EFHC1: variants seen among roughly 807,000 people sequenced by gnomAD.
The protein encoded by EFHC1 is EF-hand domain-containing protein 1.
In EFHC1, 53 loss-of-function variants were observed where a neutral mutation model predicts 69.9. The observed-to-expected ratio is 0.76, with a 90% CI of 0.61 to 0.95. EFHC1 has a LOEUF of 0.95. Ranked by LOEUF, EFHC1 falls within the 40% of genes least tolerant of loss-of-function variation. The probability of loss-of-function intolerance (pLI) is 0.00; values close to 1 mark genes in which losing one functional copy is unlikely to be tolerated. For missense variants in EFHC1, 739 were observed against 798.7 expected, an observed-to-expected ratio of 0.93 and a Z score of 0.90; for synonymous variants, 256 against 278.4, an observed-to-expected ratio of 0.92 and a Z score of 0.80.
chr6:52,489,136 A>C (rs1286957748), intron 9 of EFHC1: 1 of 152,272 alleles, frequency 6.6e-6, no homozygotes, highest in African/African-American at 2.4e-5. Context: ...TATTTGCAAC[A>C]GTGAACTTTA....
At chr6:52,434,301 T>A (rs1183758042) in intron 2 of EFHC1, among the ~76,000 whole-genome samples, 1 of 152,156 alleles carries the variant, frequency 6.6e-6, no homozygotes, top group African/African-American at 2.4e-5. Flanking sequence ...AGTACCCCTG[T>A]GAAGCAAGGC....
At position 52,464,987 on chromosome 6, in the gene EFHC1, A is replaced by C; in HGVS notation, c.1009A>C (p.Ile337Leu). The C allele has an allele frequency of 1.9e-6, 3 of 1,614,166 alleles. No individual in the cohort carries two copies. In the South Asian group the frequency reaches 3.3e-5, roughly 18 times the overall value. ...KDFIVGKSLT[I>L]LGRTFFIYDC... ...CTTCATTGTTGGGAAGTCACTCACTATCCTTGGGAGAACTTTCTTCATTTA... is the reference window on the plus strand; with the variant it reads ...CTTCATTGTTGGGAAGTCACTCACTCTCCTTGGGAGAACTTTCTTCATTTA... Residue 337 changes from isoleucine (I) to leucine (L), a missense_variant, in exon 6 of 11, where the codon ATC becomes CTC. By Grantham distance (5) the Ile-to-Leu change is conservative. Transcript: ENST00000371068.
At chr6:52,462,861 C>G (rs1390620466) in intron 5 of EFHC1, among the ~76,000 whole-genome samples, 14 of 140,274 alleles carry the variant, frequency 1.0e-4, no homozygotes, top group Non-Finnish European at 1.4e-4. Flanking sequence ...GCACTCCAGG[C>G]TGGGCAACAG....
rs967750799 is a variant in EFHC1, at chr6:52,493,679, G to A, written c.*1338G>A. 3 of 453,014 alleles carry A rather than the reference G, an allele frequency of 6.6e-6. No homozygotes were observed. Among genetic ancestry groups the A allele is most frequent in the African/African-American group, 2.0e-5 (1 of 49,768 alleles). The allele number at this position is 453,014 out of a possible 1,614,324, so 28.1% of individuals were successfully genotyped here. A position where few individuals can be genotyped will look rare whatever the true frequency, so the allele number is the denominator to read the frequency against. On this transcript the variant is annotated 3_prime_UTR_variant, in exon 11 of 11. Transcript: ENST00000371068. ...TCAAAAAAAAAAAGGTTAGAAAAAT[G>A]CTGCTTTTAGAGAGCCTGGCCTTGA...
At chr6:52,486,880 A>G (rs1354171628) in intron 9 of EFHC1, 2 of 152,222 alleles carry the variant, frequency 1.3e-5, no homozygotes, top group African/African-American at 2.4e-5. Flanking sequence ...TTCCAAGTAT[A>G]ATGGACTCTT....
chr6:52,440,803 T>G (rs1386838974), intron 3 of EFHC1, among the ~76,000 whole-genome samples: 1 of 152,156 alleles, frequency 6.6e-6, no homozygotes, highest in African/African-American at 2.4e-5. Flanking sequence ...ACCTGTTATT[T>G]TTTTACTTTT....
At chr6:52,463,626 T>G (rs1765225350) in intron 5 of EFHC1, among the ~76,000 whole-genome samples, 1 of 152,220 alleles carries the variant, frequency 6.6e-6, no homozygotes, top group Non-Finnish European at 1.5e-5. Flanking sequence ...GCAAAAATCC[T>G]AAACAAGATA....
At position 52,452,724 on chromosome 6, in the gene EFHC1, C is replaced by T. The variant is rs1372214994; in HGVS notation, c.610C>T (p.Pro204Ser). The T allele has an allele frequency of 5.6e-6, 9 of 1,614,048 alleles. No individual in the cohort carries two copies. The South Asian group carries it at 8.8e-5, about 16-fold the overall frequency. The change falls in exon 4 of 11, where the codon CCA (proline) becomes TCA (serine). Residue 204 changes from proline (P) to serine (S), a missense_variant. Transcript: ENST00000371068. The stretch of plus-strand genomic sequence containing the variant: ...AAGCCAAGGAATTGAGTTAAATCCA[C>T]CAGAGAAGATGGCTCTTGATCCTTA... ...LESQGIELNP[P>S]EKMALDPYTE...
intron 1 of EFHC1, chr6:52,421,128 A>C: frequency 1.2e-6 from 1 of 853,952 alleles, no homozygotes; most frequent in Non-Finnish European, 1.4e-6. Context: ...TCCATCTTCT[A>C]CATTTTCCAC....
intron 3 of EFHC1, among the ~76,000 whole-genome samples, chr6:52,447,831 G>A (rs895792608): frequency 2.0e-5 from 3 of 152,208 alleles, no homozygotes; most frequent in Non-Finnish European, 4.4e-5. Context: ...GTCTGCTGGA[G>A]GTCCACTTCA....
chr6:52,474,046 G>T (rs1765493706), intron 7 of EFHC1, among the ~76,000 whole-genome samples: 1 of 152,142 alleles, frequency 6.6e-6, no homozygotes, highest in South Asian at 2.1e-4. Context: ...AGAAGGGCCA[G>T]GTGCAGTGAT....
At chr6:52,465,917 A>G (rs1403305263) in intron 6 of EFHC1, among the ~76,000 whole-genome samples, 1 of 149,512 alleles carries the variant, frequency 6.7e-6, no homozygotes, top group African/African-American at 2.4e-5. Context: ...TATATATGAT[A>G]GGACACATCA....
chr6:52,465,186 C>A, intron 6 of EFHC1, 71 bp downstream of exon 6: 1 of 1,295,012 alleles, frequency 7.7e-7, no homozygotes, highest in Middle Eastern at 1.8e-4. Context: ...GAAAAAAAGA[C>A]TTCTATGCAA....
At chr6:52,444,783 T>A (rs1764742805) in intron 3 of EFHC1, among the ~76,000 whole-genome samples, 1 of 152,196 alleles carries the variant, frequency 6.6e-6, no homozygotes, top group Non-Finnish European at 1.5e-5. Context: ...GGTTTTGGTA[T>A]CAGGATGATG....
At chr6:52,469,138 T>G (rs1765377643) in intron 6 of EFHC1, 195 bp from the exon 7 acceptor site, 1 of 639,744 alleles carries the variant, frequency 1.6e-6, no homozygotes, top group Admixed American at 3.0e-5. Flanking sequence ...ACTTCTGTGA[T>G]CAGTGAACAT....
In EFHC1 at chr6:52,496,522, A is replaced by G. The variant is rs1766066184; in HGVS notation, c.*4181A>G. The G allele has an allele frequency of 6.6e-6, 1 of 152,222 alleles. No homozygotes were observed. Among genetic ancestry groups the G allele is most frequent in the South Asian group, 2.1e-4 (1 of 4,832 alleles). The allele number at this position is 152,222 out of a possible 1,614,324, so 9.4% of individuals were successfully genotyped here. ...GAGAAGACGTCTCTAAATGTTGTCCAGAGAATCCACTTGGTTAAGTGACTC... is the reference window on the plus strand; with the variant it reads ...GAGAAGACGTCTCTAAATGTTGTCCGGAGAATCCACTTGGTTAAGTGACTC... On this transcript the variant is annotated 3_prime_UTR_variant, in exon 11 of 11. Transcript: ENST00000371068.
intron 1 of EFHC1, among the ~76,000 whole-genome samples, chr6:52,422,188 A>G (rs1185019966): frequency 6.6e-6 from 1 of 152,222 alleles, no homozygotes; most frequent in African/African-American, 2.4e-5. Context: ...AGAGGGGTGG[A>G]AAGGGCCGAG....
At chr6:52,490,442 TG>T (rs1765875541) in intron 10 of EFHC1, 92 bp downstream of exon 10, 1 of 1,105,408 alleles carries the variant, frequency 9.0e-7, no homozygotes, top group South Asian at 1.3e-5. Flanking sequence ...TCACTACAAC[TG>T]GGCCAGATTT....
intron 3 of EFHC1, among the ~76,000 whole-genome samples, chr6:52,446,746 G>A (rs1285194485): frequency 8.5e-5 from 13 of 152,184 alleles, no homozygotes; most frequent in South Asian, 2.1e-4. Context: ...GTTCTTTTAG[G>A]GCAGGCCTGG....
Sources: gnomAD v4.1 joint callset for allele counts (sites outside exome capture counted in the v4.1 genomes callset) on GRCh38, gnomAD v4.1.1 for gene constraint, MANE v1.5 for transcripts, NCBI Gene and HGNC (gene_info 2026-07-23, HGNC 2026-07-21) for gene names.